The following DAB1 variants were observed in gnomAD, a reference collection of about 807,000 sequenced individuals.
DAB1 encodes DAB adaptor protein 1, also known as disabled homolog 1.
DAB1 carries 15 observed loss-of-function variants against 64.6 expected under a neutral mutation model. The ratio of observed to expected loss-of-function variants is 0.23; its 90% confidence interval spans 0.16 to 0.36. The LOEUF is 0.36. DAB1 is among the 10% of genes least tolerant of loss of function. The pLI is 1.00. For synonymous variants in DAB1, 235 were observed against 251.9 expected (o/e 0.93, Z 0.64); for missense variants, 596 against 706.7 (o/e 0.84, Z 1.78).
chr1:57,906,981 TAG>T (rs1451026379), intron 5 of DAB1, among the ~76,000 whole-genome samples: 3 of 148,622 alleles, frequency 2.0e-5, no homozygotes, highest in South Asian at 2.1e-4. Flanking sequence ...GATAGATAGA[TAG>T]ATAGATTTGC....
chr1:58,470,926 C>T (rs1235613529), intron 3 of DAB1, among the ~76,000 whole-genome samples: 8 of 152,090 alleles, frequency 5.3e-5, no homozygotes, highest in Non-Finnish European at 1.0e-4. Context: ...CAGGCAGAAT[C>T]GTAGCAGCAA....
At chr1:57,756,316 A>G (rs1648803314) in intron 6 of DAB1, among the ~76,000 whole-genome samples, 1 of 152,204 alleles carries the variant, frequency 6.6e-6, no homozygotes, top group Admixed American at 6.5e-5. Context: ...GACACAGAAC[A>G]GCACCAAGAA....
chr1:57,598,123 C>T (rs1645532800), intron 7 of DAB1, among the ~76,000 whole-genome samples: 1 of 152,208 alleles, frequency 6.6e-6, no homozygotes, highest in Non-Finnish European at 1.5e-5. Context: ...GCAGGGACTA[C>T]AGGTGCCCGC....
intron 7 of DAB1, among the ~76,000 whole-genome samples, chr1:57,636,354 G>A (rs893605887): frequency 6.6e-6 from 1 of 152,102 alleles, no homozygotes; most frequent in African/African-American, 2.4e-5. Context: ...CCAGTCTGTG[G>A]TATTTTGTTA....
chr1:58,467,328 A>G (rs1645306996), intron 3 of DAB1, among the ~76,000 whole-genome samples: 1 of 152,230 alleles, frequency 6.6e-6, no homozygotes, highest in African/African-American at 2.4e-5. Flanking sequence ...GCGCTCAAAC[A>G]AAAGCAGAAC....
chr1:57,140,310 C>T (rs1658480885), intron 3 of DAB1, among the ~76,000 whole-genome samples: 1 of 152,066 alleles, frequency 6.6e-6, no homozygotes, highest in Non-Finnish European at 1.5e-5. Flanking sequence ...TATCACAATC[C>T]TGGGAAGTAA....
intron 1 of DAB1, chr1:57,307,150 C>T (rs543421550): frequency 1.6e-4 from 25 of 152,200 alleles, no homozygotes; most frequent in African/African-American, 6.0e-4. Context: ...TTTCTAACAA[C>T]GACTGTCATG....
chr1:57,719,277 T>C (rs990606050), intron 6 of DAB1, among the ~76,000 whole-genome samples: 4 of 152,220 alleles, frequency 2.6e-5, no homozygotes, highest in African/African-American at 4.8e-5. Context: ...AAAAATGCTC[T>C]GGTATTTACA....
intron 7 of DAB1, among the ~76,000 whole-genome samples, chr1:57,523,478 G>A (rs763772092): frequency 1.1e-4 from 17 of 152,160 alleles, no homozygotes; most frequent in Non-Finnish European, 1.8e-4. Flanking sequence ...AGCTGACATT[G>A]AGGAAGGTTT....
intron 4 of DAB1, among the ~76,000 whole-genome samples, chr1:57,074,498 G>A (rs561857127): frequency 5.0e-4 from 76 of 152,256 alleles, no homozygotes; most frequent in African/African-American, 1.6e-3. Flanking sequence ...GGTCATCGCC[G>A]TAGTTCTAGA....
intron 7 of DAB1, among the ~76,000 whole-genome samples, chr1:57,628,895 C>G (rs963957175): frequency 6.6e-6 from 1 of 152,174 alleles, no homozygotes; most frequent in African/African-American, 2.4e-5. Context: ...AGTTTTGTCT[C>G]AAAGCAATAA....
At chr1:58,141,261 C>A (rs1654268375) in intron 5 of DAB1, among the ~76,000 whole-genome samples, 1 of 152,156 alleles carries the variant, frequency 6.6e-6, no homozygotes, top group Non-Finnish European at 1.5e-5. Flanking sequence ...GGAGGCCTCA[C>A]AATCATGGTG....
chr1:58,192,557 G>C (rs916896315), intron 4 of DAB1, among the ~76,000 whole-genome samples: 3 of 152,234 alleles, frequency 2.0e-5, no homozygotes, highest in African/African-American at 7.2e-5. Context: ...TAGGATAACG[G>C]TCTCCAGTTC....
chr1:57,930,726 C>A (rs112334370), intron 5 of DAB1, among the ~76,000 whole-genome samples: 133 of 152,176 alleles, frequency 8.7e-4, no homozygotes, highest in Non-Finnish European at 1.6e-3. Context: ...ATCCTGCAAC[C>A]TGGCTATAAT....
chr1:57,083,813 A>G (rs1015344427), intron 4 of DAB1, among the ~76,000 whole-genome samples: 1 of 152,200 alleles, frequency 6.6e-6, no homozygotes, highest in African/African-American at 2.4e-5. Context: ...GATTTGGAGT[A>G]GACACAGGTC....
At chr1:57,514,334 C>T (rs965886230) in intron 7 of DAB1, among the ~76,000 whole-genome samples, 4 of 152,122 alleles carry the variant, frequency 2.6e-5, no homozygotes, top group African/African-American at 9.7e-5. Flanking sequence ...TTTTCCATGC[C>T]CAACACTTAT....
intron 1 of DAB1, among the ~76,000 whole-genome samples, chr1:57,415,246 A>AACACAC (rs111517848): frequency 0.017 from 2,399 of 143,278 alleles, 44 homozygotes; most frequent in South Asian, 0.04. Context: ...TACCTCACAC[A>AACACAC]ACACACACAC....
At chr1:58,127,663 C>G (rs1653210997) in intron 5 of DAB1, among the ~76,000 whole-genome samples, 1 of 152,214 alleles carries the variant, frequency 6.6e-6, no homozygotes, top group Admixed American at 6.5e-5. Flanking sequence ...GATCCAGTTT[C>G]AGCTTTCTAC....
At chr1:57,893,823 T>C (rs1396952908) in intron 5 of DAB1, among the ~76,000 whole-genome samples, 3 of 152,114 alleles carry the variant, frequency 2.0e-5, no homozygotes, top group Non-Finnish European at 4.4e-5. Context: ...AGGCTCTCTA[T>C]AGATAGGAAA....
Sources: allele counts gnomAD v4.1 joint callset (sites outside exome capture counted in the v4.1 genomes callset), GRCh38; gene constraint gnomAD v4.1.1; transcripts MANE v1.5; gene names NCBI Gene and HGNC (gene_info 2026-07-23, HGNC 2026-07-21).